CSNK1G1: variants seen among roughly 807,000 people sequenced by gnomAD.
CSNK1G1 encodes the protein casein kinase 1 gamma 1.
CSNK1G1 carries 22 observed loss-of-function variants against 59.6 expected under a neutral mutation model. The observed-to-expected ratio is 0.37, with a 90% CI of 0.26 to 0.53. CSNK1G1 has a LOEUF of 0.53. CSNK1G1 is among the 20% of genes least tolerant of loss of function. The pLI is 0.89. For missense variants in CSNK1G1, 384 were observed against 519.5 expected, an observed-to-expected ratio of 0.74 and a Z score of 2.54; for synonymous variants, 179 against 177.1, an observed-to-expected ratio of 1.01 and a Z score of -0.08.
intron 4 of CSNK1G1, among the ~76,000 whole-genome samples, chr15:64,228,956 T>C (rs1316341359): frequency 7.2e-6 from 1 of 138,432 alleles, no homozygotes; most frequent in Non-Finnish European, 1.5e-5. Flanking sequence ...AGGCAGCAGT[T>C]GGCAGTAAGC....
chr15:64,267,256 C>CAAAAA (rs199581105), intron 2 of CSNK1G1, among the ~76,000 whole-genome samples: 103 of 59,038 alleles, frequency 1.7e-3, no homozygotes, highest in East Asian at 2.3e-3. Flanking sequence ...GACCTTATCT[C>CAAAAA]AAAAAAAAAA....
intron 4 of CSNK1G1, among the ~76,000 whole-genome samples, chr15:64,230,034 G>A (rs778461022): frequency 4.3e-4 from 63 of 145,390 alleles, no homozygotes; most frequent in Non-Finnish European, 7.0e-4. Context: ...GGATTCTCCT[G>A]TCTCAGCCTC....
At chr15:64,250,922 CA>C in intron 4 of CSNK1G1, among the ~76,000 whole-genome samples, 1 of 152,228 alleles carries the variant, frequency 6.6e-6, no homozygotes, top group East Asian at 1.9e-4. Flanking sequence ...TAAACATTAG[CA>C]AAACATTTTT....
chr15:64,205,107 T>G (rs1289448403), intron 7 of CSNK1G1, among the ~76,000 whole-genome samples, 158 bp from the exon 8 acceptor site: 7 of 152,244 alleles, frequency 4.6e-5, no homozygotes, highest in Non-Finnish European at 8.8e-5. Flanking sequence ...TAGTAGAAAT[T>G]ATATATTTAG....
intron 11 of CSNK1G1, among the ~76,000 whole-genome samples, chr15:64,172,301 C>T (rs1223879387): frequency 6.6e-6 from 1 of 152,196 alleles, no homozygotes; most frequent in East Asian, 1.9e-4. Flanking sequence ...CCAGATGCCT[C>T]ACCTTATCAA....
intron 2 of CSNK1G1, among the ~76,000 whole-genome samples, chr15:64,286,500 T>C (rs911488684): frequency 5.3e-5 from 8 of 152,116 alleles, no homozygotes; most frequent in African/African-American, 1.9e-4. Context: ...TATAAATATA[T>C]ATAAGCTAAT....
intron 3 of CSNK1G1, among the ~76,000 whole-genome samples, chr15:64,256,671 G>A (rs966614018): frequency 6.6e-6 from 1 of 152,130 alleles, no homozygotes; most frequent in African/African-American, 2.4e-5. Context: ...AAGAACCCTA[G>A]AAATGTGGGT....
rs751960936 is a variant in CSNK1G1, at chr15:64,298,421, A to G, written c.181+1898T>C. ...TACAGTCAATTTATGACATAAAGAAATATTCACAGAACTATTCGTTAAAGC... is the reference window on the plus strand; with the variant it reads ...TACAGTCAATTTATGACATAAAGAAGTATTCACAGAACTATTCGTTAAAGC... On this transcript the variant is annotated intron_variant, in intron 2 of 11. Transcript: ENST00000303052. Among the ~76,000 whole-genome samples the G allele has an allele frequency of 5.5e-4, 83 of 152,254 alleles. 1 individual carries two copies. The highest frequency in any genetic ancestry group is 2.6e-4 in the Admixed American group (4 of 15,290).
At chr15:64,236,477 G>A (rs1270581157) in intron 4 of CSNK1G1, among the ~76,000 whole-genome samples, 1 of 151,994 alleles carries the variant, frequency 6.6e-6, no homozygotes, top group African/African-American at 2.4e-5. Context: ...TTTAAAAGTG[G>A]GAAAAGAACA....
chr15:64,301,859 C>T (rs1895359254), intron 1 of CSNK1G1, among the ~76,000 whole-genome samples: 1 of 151,828 alleles, frequency 6.6e-6, no homozygotes, highest in Non-Finnish European at 1.5e-5. Flanking sequence ...TGCACTCCCA[C>T]CTGAGTGACA....
At chr15:64,193,143 T>A (rs2081993938) in intron 10 of CSNK1G1, among the ~76,000 whole-genome samples, 1 of 152,042 alleles carries the variant, frequency 6.6e-6, no homozygotes, top group South Asian at 2.1e-4. Context: ...CTTCCAATAT[T>A]AAAATTTCTT....
intron 10 of CSNK1G1, among the ~76,000 whole-genome samples, chr15:64,193,710 C>G (rs950919132): frequency 3.9e-5 from 6 of 152,096 alleles, no homozygotes; most frequent in African/African-American, 1.4e-4. Flanking sequence ...TCAACACTAT[C>G]CAGAGACGAG....
At chr15:64,204,759 G>A in intron 8 of CSNK1G1, 106 bp downstream of exon 8, 1 of 1,124,244 alleles carries the variant, frequency 8.9e-7, no homozygotes, top group South Asian at 1.3e-5. Context: ...TATCACAAAA[G>A]GAAATGTTAA....
At chr15:64,177,561 C>G (rs2081756231) in intron 11 of CSNK1G1, among the ~76,000 whole-genome samples, 1 of 152,216 alleles carries the variant, frequency 6.6e-6, no homozygotes, top group Non-Finnish European at 1.5e-5. Flanking sequence ...CTTTCTACAT[C>G]TTTTAGAAGG....
chr15:64,248,197 AACTT>A (rs1490246190), intron 4 of CSNK1G1, among the ~76,000 whole-genome samples: 2 of 152,146 alleles, frequency 1.3e-5, no homozygotes, highest in African/African-American at 4.8e-5. Flanking sequence ...TGCAGCTGAG[AACTT>A]ACTCTGAAAA....
chr15:64,231,422 T>C (rs924113202), intron 4 of CSNK1G1, among the ~76,000 whole-genome samples: 1 of 146,892 alleles, frequency 6.8e-6, no homozygotes, highest in African/African-American at 2.5e-5. Flanking sequence ...TATATGTATA[T>C]ATATATTAGG....
Position 64,176,378 on chromosome 15 carries a change from G to C in CSNK1G1, c.1214+3970C>G, listed in dbSNP as rs1478440294. ...AGGTGAAATGGAAGCGACTCCCTGT[G>C]AGCCATGCAAACATGCAGTATGTGT... On this transcript the variant is annotated intron_variant, in intron 11 of 11. Transcript: ENST00000303052. This position sits in a 1 kb window ranked among gnomAD's most constrained non-coding sequence, Gnocchi z 5.2. The C allele has an allele frequency of 7.5e-6, 3 of 397,994 alleles. No homozygotes were observed. The highest frequency in any genetic ancestry group is 1.3e-5 in the Non-Finnish European group (3 of 225,988). 24.7% of individuals were successfully genotyped at this position (397,994 alleles called of 1,614,324 possible).
chr15:64,318,244 C>G lies in CSNK1G1; in HGVS notation c.-224-17521G>C, dbSNP rs189781050. On this transcript the variant is annotated intron_variant, in intron 1 of 11. Coordinates refer to ENST00000303052, the MANE Select transcript of CSNK1G1 (RefSeq NM_022048.5). ...AATTATATACCCAACTAACTTTCTT[C>G]TTCCCGTGACGTATCAGTAGGGGTT... 2.4e-3 allele frequency among the ~76,000 whole-genome samples: 362 copies of G among 152,124 alleles called. 1 individual carries two copies. Among genetic ancestry groups the G allele is most frequent in the African/African-American group, 8.5e-3 (352 of 41,538 alleles).
At chr15:64,348,811 T>A (rs1161171566) in intron 1 of CSNK1G1, among the ~76,000 whole-genome samples, 1 of 152,190 alleles carries the variant, frequency 6.6e-6, no homozygotes. Flanking sequence ...TCATTCATTA[T>A]GGTCAACAGA....
Sources: gnomAD v4.1 joint callset for allele counts (sites outside exome capture counted in the v4.1 genomes callset) on GRCh38, gnomAD v4.1.1 for gene constraint, Gnocchi (gnomAD v3.1) non-coding constraint, MANE v1.5 for transcripts, NCBI Gene and HGNC (gene_info 2026-07-23, HGNC 2026-07-21) for gene names.